The following STRN3 variants were observed in gnomAD, a reference collection of about 807,000 sequenced individuals.
STRN3 encodes striatin-3.
STRN3 carries 29 observed loss-of-function variants against 95.6 expected under a neutral mutation model. The ratio of observed to expected loss-of-function variants is 0.30; its 90% CI spans 0.23 to 0.41. The LOEUF is 0.41. Among genes scored for constraint, STRN3 ranks in the 10% least tolerant of loss-of-function variants. The pLI is 1.00. For synonymous variants in STRN3, 331 were observed against 357.6 expected, an observed-to-expected ratio of 0.93 and a Z score of 0.84; for missense variants, 890 against 972.1, an observed-to-expected ratio of 0.92 and a Z score of 1.12.
At chr14:31,011,219 G>T (rs1240522623) in intron 1 of STRN3, among the ~76,000 whole-genome samples, 1 of 152,108 alleles carries the variant, frequency 6.6e-6, no homozygotes, top group East Asian at 1.9e-4. Flanking sequence ...TCTGCATCCG[G>T]TGGACTTTTT....
intron 1 of STRN3, among the ~76,000 whole-genome samples, chr14:30,969,187 G>C (rs1880699539): frequency 6.6e-6 from 1 of 152,132 alleles, no homozygotes; most frequent in Non-Finnish European, 1.5e-5. Flanking sequence ...TGTAATCCCA[G>C]CACTTTGGGA....
At chr14:31,014,142 T>C (rs949201384) in intron 1 of STRN3, among the ~76,000 whole-genome samples, 2 of 152,004 alleles carry the variant, frequency 1.3e-5, no homozygotes, top group Non-Finnish European at 2.9e-5. Flanking sequence ...TGACTTCAAG[T>C]TATCCTCCTG....
chr14:31,008,597 T>C (rs1395681741), intron 1 of STRN3, among the ~76,000 whole-genome samples: 1 of 152,100 alleles, frequency 6.6e-6, no homozygotes, highest in Admixed American at 6.6e-5. Flanking sequence ...CAAGAAATAG[T>C]GGTAAGTCTA....
chr14:30,964,069 T>C (rs12881579), intron 1 of STRN3, among the ~76,000 whole-genome samples: 1 of 151,904 alleles, frequency 6.6e-6, no homozygotes, highest in Non-Finnish European at 1.5e-5. Context: ...CTGGCCAACA[T>C]GGCGAAACCC....
In STRN3 at chr14:30,901,062, A is replaced by T. The variant is rs117510884; in HGVS notation, c.2137+1474T>A. Among the ~76,000 whole-genome samples, 314 of 152,318 alleles carry T rather than the reference A, an allele frequency of 2.1e-3. 5 individuals carry two copies. In the East Asian group the frequency reaches 0.032, roughly 16 times the overall value. On this transcript the variant is annotated intron_variant, in intron 16 of 17. Transcript: ENST00000357479. ...GGAATCTTTTTAGAAACACAAAGGA[A>T]ATTAACCTCTTTGCTCTTGCAGCAG... is the stretch of plus-strand genomic sequence containing the variant.
intron 1 of STRN3, among the ~76,000 whole-genome samples, chr14:30,987,521 T>TA (rs914267836): frequency 4.2e-4 from 62 of 149,224 alleles, no homozygotes; most frequent in South Asian, 4.3e-4. Context: ...AAATAAAAAA[T>TA]AAAAAAAAAC....
intron 1 of STRN3, among the ~76,000 whole-genome samples, chr14:30,995,985 G>A (rs1029663395): frequency 5.3e-5 from 8 of 152,096 alleles, no homozygotes; most frequent in African/African-American, 1.2e-4. Context: ...TAGCCCTTAC[G>A]CCCAACTTAG....
At position 31,026,135 on chromosome 14, in the gene STRN3, A is replaced by G; in HGVS notation, c.51T>C (p.Pro17=). 1 of 1,495,352 alleles carries G rather than the reference A, an allele frequency of 6.7e-7. No individual in the cohort carries two copies. The highest frequency in any genetic ancestry group is 8.9e-7 in the Non-Finnish European group (1 of 1,128,666). 92.6% of individuals were successfully genotyped at this position (1,495,352 alleles called of 1,614,324 possible). A position where few individuals can be genotyped will look rare whatever the true frequency, so the allele number is the denominator to read the frequency against. Reference sequence around the variant, plus strand: ...CCCCAGGTCCCTGCTGCTGCCGGGGAGGGGCCGCCATCCCCGGGCCGCCAC... The same window carrying G: ...CCCCAGGTCCCTGCTGCTGCCGGGGGGGGGCCGCCATCCCCGGGCCGCCAC... ...GGGGGPGMAA[P]PRQQQGPGGN... Residue 17 remains proline, a synonymous_variant, in exon 1 of 18, where the codon CCT becomes CCC. Coordinates refer to ENST00000357479, the MANE Select transcript of STRN3 (RefSeq NM_001083893.2).
chr14:30,915,837 T>C (rs1594430777), intron 9 of STRN3, among the ~76,000 whole-genome samples: 1 of 152,298 alleles, frequency 6.6e-6, no homozygotes, highest in African/African-American at 2.4e-5. Context: ...CTATCTCTGA[T>C]CAGCCAGACC....
chr14:30,929,972 A>AAAAAAAAAAACAAAAAAAAAAAAAAC, intron 7 of STRN3, among the ~76,000 whole-genome samples: 1 of 149,612 alleles, frequency 6.7e-6, no homozygotes, highest in Admixed American at 6.6e-5. Context: ...AAAAAAAAAA[A>AAAAAAAAAAACAAAAAAAAAAAAAAC]AAAAAAACTC....
rs1170424637 is a variant in STRN3 at position 30,895,096 on chromosome 14, A to G, written c.*315T>C. On this transcript the variant is annotated 3_prime_UTR_variant, in exon 18 of 18. Coordinates refer to ENST00000357479, the MANE Select transcript of STRN3 (RefSeq NM_001083893.2). ...AAAAAAAAAGAAGAAGAAGAAGAGAAAAAAAAAAACTTTTTTGAAAGATCA... is the reference window on the plus strand; with the variant it reads ...AAAAAAAAAGAAGAAGAAGAAGAGAGAAAAAAAAACTTTTTTGAAAGATCA... 5 of 275,104 alleles carry G rather than the reference A, an allele frequency of 1.8e-5. No individual in the cohort carries two copies. Among genetic ancestry groups the G allele is most frequent in the African/African-American group, 4.6e-5 (2 of 43,616 alleles). 17.0% of individuals were successfully genotyped at this position (275,104 alleles called of 1,614,324 possible). A position where few individuals can be genotyped will look rare whatever the true frequency, so the allele number is the denominator to read the frequency against.
chr14:31,002,417 G>A (rs1462798900), intron 1 of STRN3, among the ~76,000 whole-genome samples: 1 of 147,722 alleles, frequency 6.8e-6, no homozygotes, highest in African/African-American at 2.5e-5. Flanking sequence ...GTTGCAGTGA[G>A]TCAAGATCGC....
At chr14:30,914,677 T>A (rs1280555751) in intron 9 of STRN3, among the ~76,000 whole-genome samples, 15 of 117,544 alleles carry the variant, frequency 1.3e-4, no homozygotes, top group African/African-American at 4.3e-4. Context: ...AAGCTTTGAC[T>A]ATGACTTTTA....
intron 6 of STRN3, 123 bp from the exon 7 acceptor site, chr14:30,935,427 C>G: frequency 9.3e-7 from 1 of 1,071,184 alleles, no homozygotes; most frequent in East Asian, 2.6e-5. Context: ...AATTTTAGAT[C>G]TCCTATGTAA....
At chr14:30,966,203 C>T (rs112818651) in intron 1 of STRN3, among the ~76,000 whole-genome samples, 14,468 of 151,162 alleles carry the variant, frequency 0.096, 750 homozygotes, top group South Asian at 0.16. Flanking sequence ...GGGAACAACA[C>T]GGCAGCAAAG....
intron 5 of STRN3, among the ~76,000 whole-genome samples, chr14:30,939,180 A>C (rs950101238): frequency 2.0e-5 from 3 of 152,170 alleles, no homozygotes; most frequent in Non-Finnish European, 2.9e-5. Context: ...ATTTATACTG[A>C]ACAGTAAGCA....
chr14:30,922,791 T>C (rs1012908357), intron 8 of STRN3, among the ~76,000 whole-genome samples: 12 of 152,166 alleles, frequency 7.9e-5, no homozygotes, highest in African/African-American at 2.7e-4. Context: ...TAAATAAATA[T>C]GAGATCACAA....
Position 30,955,650 on chromosome 14 carries a change from C to G in STRN3, c.430G>C (p.Gly144Arg). 1 of 1,578,854 alleles carries G rather than the reference C, an allele frequency of 6.3e-7. No homozygotes were observed. Among genetic ancestry groups the G allele is most frequent in the South Asian group, 1.2e-5 (1 of 84,000 alleles). ...KLKYGTELNQ[G>R]DLKMPTFESE... is the part of the protein sequence containing the mutation. Reference sequence around the variant, plus strand: ...TCAAAGGTTGGCATTTTCAAGTCACCTTGGTTCAGTTCCGTGCCATATTTT... The same window carrying G: ...TCAAAGGTTGGCATTTTCAAGTCACGTTGGTTCAGTTCCGTGCCATATTTT... Residue 144 changes from glycine to arginine, a missense_variant, in exon 3 of 18, where the codon GGT becomes CGT. Physicochemically the swap from Gly to Arg is moderately radical, Grantham distance 125. Transcript: ENST00000357479.
chr14:30,904,085 G>A (rs145550047), intron 15 of STRN3, among the ~76,000 whole-genome samples: 107 of 152,312 alleles, frequency 7.0e-4, no homozygotes, highest in African/African-American at 6.7e-4. Context: ...TGAAGACCAT[G>A]AGGATCAACT....
Sources: allele counts gnomAD v4.1 joint callset (sites outside exome capture counted in the v4.1 genomes callset), GRCh38; gene constraint gnomAD v4.1.1; transcripts MANE v1.5; gene names NCBI Gene and HGNC (gene_info 2026-07-23, HGNC 2026-07-21).